Variants in DNAH5 observed in about 807,000 individuals in gnomAD.
DNAH5 encodes dynein axonemal heavy chain 5.
A neutral mutation model predicts 518.2 loss-of-function variants in DNAH5; 372 were observed. That is an observed-to-expected ratio of 0.72 (90% confidence interval 0.66 to 0.78). The LOEUF (loss-of-function observed/expected upper bound fraction) is 0.78, where lower values mean the gene tolerates loss of function less well. DNAH5 is among the 30% of genes least tolerant of loss of function. DNAH5 has a pLI of 0.00. For missense variants in DNAH5, 5,523 were observed against 5,687.0 expected, an observed-to-expected ratio of 0.97 and a Z score of 0.93; for synonymous variants, 2,039 against 2,025.9, an observed-to-expected ratio of 1.01 and a Z score of -0.17.
intron 47 of DNAH5, among the ~76,000 whole-genome samples, chr5:13,794,823 C>T (rs1580282561): frequency 1.3e-5 from 2 of 152,042 alleles, no homozygotes; most frequent in Admixed American, 6.5e-5. Context: ...AAAAATTAGC[C>T]GGGTGTGGTG....
At position 13,814,739 on chromosome 5, in the gene DNAH5, G is replaced by C; in HGVS notation, c.7096C>G (p.Arg2366Gly). Residue 2366 changes from arginine to glycine, a missense_variant, in exon 43 of 79, where the codon CGG (arginine) becomes GGG (glycine). Physicochemically the swap from Arg to Gly is moderately radical, Grantham distance 125. Around this residue, in one of 3 missense-constraint regions of DNAH5, gnomAD observed 5,121 missense variants for 5,223.3 expected, o/e 0.98. Coordinates refer to ENST00000265104, the MANE Select transcript of DNAH5 (RefSeq NM_001369.3). ...NKTLTLANGD[R>G]IPMAPNCKII... ...TTGCAGTTTGGAGCCATGGGAATCC[G>C]ATCACCATTGGCAAGGGTTAGAGTT... 1.2e-6 allele frequency: 2 copies of C among 1,614,014 alleles called. No individual in the cohort carries two copies. Among genetic ancestry groups the C allele is most frequent in the Non-Finnish European group, 1.7e-6 (2 of 1,179,994 alleles).
chr5:13,871,087 A>C, intron 23 of DNAH5, 85 bp from the exon 24 acceptor site: 1 of 995,460 alleles, frequency 1.0e-6, no homozygotes, highest in Non-Finnish European at 1.5e-6. Flanking sequence ...TCCAGTAGTA[A>C]ATATTTTATA....
chr5:13,700,762 T>G lies in DNAH5; in HGVS notation c.13601A>C (p.Tyr4534Ser). The change falls in exon 78 of 79, where the codon TAT becomes TCT. Residue 4534 changes from tyrosine to serine, a missense_variant. By Grantham distance (144) the Tyr-to-Ser change is moderately radical. This residue lies in a region of DNAH5 where 387 missense variants were observed against 430.0 expected (regional missense o/e 0.90). Transcript: ENST00000265104. ...ACCTTCAAGATATAAGCCATAGACA[T>G]AGACACCCTCTGTGGGAGGGGCAGA... ...DISAPPTEGV[Y>S]VYGLYLEGAG... 1 of 1,614,148 alleles carries G rather than the reference T, an allele frequency of 6.2e-7. No individual in the cohort carries two copies. Among genetic ancestry groups the G allele is most frequent in the Non-Finnish European group, 8.5e-7 (1 of 1,179,998 alleles).
rs189133921 is a variant in DNAH5 at position 13,731,933 on chromosome 5, G to C, written c.11762-2373C>G. Among the ~76,000 whole-genome samples the C allele has an allele frequency of 9.2e-5, 14 of 152,218 alleles. 1 individual carries two copies. The East Asian group carries it at 1.4e-3, about 15-fold the overall frequency. ...AGGACAGCTTAACCCAGAAGTTTGA[G>C]ACCAGCTGGGGCAACATAATGAGAC... On this transcript the variant is annotated intron_variant, in intron 68 of 78. Coordinates refer to ENST00000265104, the MANE Select transcript of DNAH5 (RefSeq NM_001369.3).
At chr5:13,705,118 A>C (rs920945964) in intron 76 of DNAH5, among the ~76,000 whole-genome samples, 2 of 151,892 alleles carry the variant, frequency 1.3e-5, no homozygotes, top group Admixed American at 1.3e-4. Context: ...CAGCCTCCCG[A>C]GTAGCTGGGA....
rs376360357 is a variant in DNAH5 at position 13,922,131 on chromosome 5, A to C, written c.636T>G (p.Gly212=). Residue 212 remains glycine (G), a synonymous_variant, in exon 5 of 79, where the codon GGT becomes GGG. Transcript: ENST00000265104. ...CCTTCTCCTTCAGACTCTCCTGTGC[A>C]CCCGACAGGACGTTCACAAAGCCTT... ...SLEGFVNVLS[G]AQESLKEKVN... is the part of the protein sequence containing the mutation. 21 of 1,614,026 alleles carry C rather than the reference A, an allele frequency of 1.3e-5. No homozygotes were observed. The East Asian group carries it at 1.6e-4, about 12-fold the overall frequency.
chr5:13,752,297 C>A lies in DNAH5; in HGVS notation c.10873-8G>T. 2.5e-6 allele frequency: 4 copies of A among 1,613,948 alleles called. No homozygotes were observed. Among genetic ancestry groups the A allele is most frequent in the Non-Finnish European group, 3.4e-6 (4 of 1,179,910 alleles). On this transcript the variant is annotated splice_polypyrimidine_tract_variant and splice_region_variant and intron_variant, in intron 63 of 78. Coordinates refer to ENST00000265104, the MANE Select transcript of DNAH5 (RefSeq NM_001369.3). ...GTGATTTAAAGACGTGATCTAGGAA[C>A]AGGATCACAAGGTTGCTATTGGCAG...
chr5:13,751,060 G>A lies in DNAH5; in HGVS notation c.11211+18C>T, dbSNP rs1261321745. On this transcript the variant is annotated intron_variant, in intron 65 of 78. Coordinates refer to ENST00000265104, the MANE Select transcript of DNAH5 (RefSeq NM_001369.3). ...CATTAAAGCAATGCAGAATGGGAGG[G>A]AGCCACACTTCACTCACCTGCTTCT... is the stretch of plus-strand genomic sequence containing the variant. 5.6e-6 allele frequency: 9 copies of A among 1,613,106 alleles called. No individual in the cohort carries two copies. Among genetic ancestry groups the A allele is most frequent in the African/African-American group, 1.3e-5 (1 of 74,850 alleles).
In DNAH5 at chr5:13,811,758, G is replaced by A. The variant is rs748328316; in HGVS notation, c.7296C>T (p.Phe2432=). 3.1e-6 allele frequency: 5 copies of A among 1,614,122 alleles called. No individual in the cohort carries two copies. In the East Asian group the frequency reaches 1.1e-4, roughly 36 times the overall value. ...EILRQLYTES[F]PDLYRFCIQN... is the part of the protein sequence containing the mutation. ...GGATACAGAAGCGATACAAGTCTGG[G>A]AAAGACTCGGTGTACAGCTGACGAA... Residue 2432 remains phenylalanine (F), a synonymous_variant, in exon 44 of 79, where the codon TTC becomes TTT. Coordinates refer to ENST00000265104, the MANE Select transcript of DNAH5 (RefSeq NM_001369.3).
At chr5:13,899,964 G>A (rs994031216) in intron 15 of DNAH5, 52 of 514,778 alleles carry the variant, frequency 1.0e-4, no homozygotes, top group Admixed American at 1.8e-4. Context: ...TCAGTGGCTC[G>A]AAATCCTCCA....
At chr5:13,720,369 C>A (rs1355284481) in intron 71 of DNAH5, among the ~76,000 whole-genome samples, 1 of 152,086 alleles carries the variant, frequency 6.6e-6, no homozygotes, top group Non-Finnish European at 1.5e-5. Context: ...AGAAGTGAAC[C>A]CTGACCTGAG....
intron 30 of DNAH5, among the ~76,000 whole-genome samples, chr5:13,858,212 T>C (rs1222677383): frequency 1.3e-5 from 2 of 152,228 alleles, no homozygotes; most frequent in Middle Eastern, 3.4e-3. Context: ...ATGTAGCACA[T>C]ATACACCATG....
rs751746139 is a variant in DNAH5, at chr5:13,766,056, G to C, written c.10021C>G (p.Leu3341Val). 2.4e-5 allele frequency: 39 copies of C among 1,614,040 alleles called. No homozygotes were observed. Among genetic ancestry groups the C allele is most frequent in the Non-Finnish European group, 3.3e-5 (39 of 1,180,018 alleles). ...GAGGGCATGGTACAGCTTTTTTCCA[G>C]GTCAATTTTCACAGCACTGACTTTC... ...QRKVSAVKID[L>V]EKSCTMPSWQ... Residue 3341 changes from leucine (L) to valine (V), a missense_variant, in exon 59 of 79, where the codon CTG becomes GTG. Coordinates refer to ENST00000265104, the MANE Select transcript of DNAH5 (RefSeq NM_001369.3).
chr5:13,752,248 T>C lies in DNAH5; in HGVS notation c.10914A>G (p.Glu3638=), dbSNP rs150302376. Residue 3638 remains glutamate, a synonymous_variant, in exon 64 of 79, where the codon GAA becomes GAG. Coordinates refer to ENST00000265104, the MANE Select transcript of DNAH5 (RefSeq NM_001369.3). ...LNHKYFRNHL[E]DSLSLGRPLL... ...AAGGCCTTCCAAGAGAAAGGCTGTC[T>C]TCCAGGTGGTTTCTGAAGTACTTGT... 6.2e-7 allele frequency: 1 copy of C among 1,614,094 alleles called. No individual in the cohort carries two copies. The highest frequency in any genetic ancestry group is 1.3e-5 in the African/African-American group (1 of 75,046).
chr5:13,990,036 T>C (rs958977278), intron 1 of DNAH5, among the ~76,000 whole-genome samples: 4 of 152,172 alleles, frequency 2.6e-5, no homozygotes, highest in African/African-American at 7.2e-5. Context: ...AGTGACCTAC[T>C]CAAGGTCACA....
Position 13,829,593 on chromosome 5 carries a change from T to C in DNAH5, c.6361A>G (p.Ser2121Gly). 1.9e-6 allele frequency: 3 copies of C among 1,614,216 alleles called. No homozygotes were observed. The highest frequency in any genetic ancestry group is 2.5e-6 in the Non-Finnish European group (3 of 1,180,034). ...RQIIIRVKLA[S>G]CGFIDNVVLA... ...ACAACGTTGTCAATGAAGCCACAAC[T>C]AGCCAACTTCACCCTTATGATAATC... is the stretch of plus-strand genomic sequence containing the variant. The change falls in exon 38 of 79, where the codon AGT becomes GGT. Residue 2121 changes from serine to glycine, a missense_variant. By Grantham distance (56) the Ser-to-Gly change is moderately conservative. Transcript: ENST00000265104.
In DNAH5 at chr5:13,780,971, A is replaced by G; in HGVS notation, c.8821-12T>C. On this transcript the variant is annotated splice_polypyrimidine_tract_variant and intron_variant, in intron 52 of 78. Transcript: ENST00000265104. Reference sequence around the variant, plus strand: ...ATGACACGAGAGATCTGTAATATGGAACAGAAAAAGTATGTATCTTTCAAC... The same window carrying G: ...ATGACACGAGAGATCTGTAATATGGGACAGAAAAAGTATGTATCTTTCAAC... 3.1e-6 allele frequency: 5 copies of G among 1,613,192 alleles called. No homozygotes were observed. The highest frequency in any genetic ancestry group is 4.2e-6 in the Non-Finnish European group (5 of 1,179,366).
chr5:13,864,633 G>C lies in DNAH5; in HGVS notation c.4360C>G (p.Arg1454Gly). ...NELLEFQNRCRKLPRALKDWQ... is the reference protein window; with the variant it reads ...NELLEFQNRCGKLPRALKDWQ... ...TCCTTCAAGGCCCGGGGAAGCTTTC[G>C]ACATCTGTGAAGGGACACCAACATG... is the stretch of plus-strand genomic sequence containing the variant. The change falls in exon 28 of 79, where the codon CGA becomes GGA. Residue 1454 changes from arginine to glycine, a missense_variant. Physicochemically the swap from Arg to Gly is moderately radical, Grantham distance 125. Coordinates refer to ENST00000265104, the MANE Select transcript of DNAH5 (RefSeq NM_001369.3). The C allele has an allele frequency of 6.2e-7, 1 of 1,614,056 alleles. No homozygotes were observed. Among genetic ancestry groups the C allele is most frequent in the South Asian group, 1.1e-5 (1 of 91,064 alleles).
chr5:13,910,405 T>C (rs752371688), intron 12 of DNAH5, among the ~76,000 whole-genome samples: 4 of 152,230 alleles, frequency 2.6e-5, no homozygotes, highest in Non-Finnish European at 4.4e-5. Context: ...GCCTGGCACA[T>C]AGAATGAGCT....
Sources: allele counts gnomAD v4.1 joint callset (sites outside exome capture counted in the v4.1 genomes callset), GRCh38; gene constraint gnomAD v4.1.1; regional missense constraint gnomAD v4.1.1; transcripts MANE v1.5; gene names NCBI Gene and HGNC (gene_info 2026-07-23, HGNC 2026-07-21).